PNPLA7: variants seen among roughly 807,000 people sequenced by gnomAD.
PNPLA7 encodes the protein patatin-like phospholipase domain-containing protein 7.
PNPLA7 carries 153 observed loss-of-function variants against 161.7 expected under a neutral mutation model. That is an observed-to-expected ratio of 0.95 (90% CI 0.83 to 1.08). The LOEUF is 1.08. PNPLA7 is among the 50% of genes least tolerant of loss of function. The pLI, the probability that PNPLA7 is intolerant of heterozygous loss-of-function variation, is 0.00. For synonymous variants in PNPLA7, 809 were observed against 782.1 expected (o/e 1.03, Z -0.57); for missense variants, 1,739 against 1,856.6 (o/e 0.94, Z 1.16).
intron 6 of PNPLA7, 49 bp from the exon 7 acceptor site, chr9:137,542,850 CG>C: frequency 1.3e-6 from 2 of 1,575,898 alleles, no homozygotes; most frequent in Non-Finnish European, 8.7e-7. Flanking sequence ...GGGAGGAGGA[CG>C]GCCTCTCCAA....
intron 6 of PNPLA7, 29 bp from the exon 7 acceptor site, chr9:137,542,830 G>A (rs1350485138): frequency 1.0e-5 from 16 of 1,592,744 alleles, no homozygotes; most frequent in East Asian, 9.0e-5. Context: ...ACTGTGGGAC[G>A]CCCTTCCAGG....
At position 137,521,767 on chromosome 9, in the gene PNPLA7, G is replaced by A. The variant is rs376627226; in HGVS notation, c.877-51C>T. ...TGACCACCGGCCTGGGGTACAGGGC[G>A]GGCCCCCGGCAGCACCACACAGAGC... On this transcript the variant is annotated intron_variant, in intron 9 of 34. Coordinates refer to ENST00000406427, the MANE Select transcript of PNPLA7 (RefSeq NM_001098537.3). 7.7e-4 allele frequency: 1,181 copies of A among 1,542,588 alleles called. 2 individuals are homozygous for A. The highest frequency in any genetic ancestry group is 9.5e-4 in the Non-Finnish European group (1,073 of 1,132,164).
chr9:137,462,315 T>G lies in PNPLA7; in HGVS notation c.3509A>C (p.Glu1170Ala), dbSNP rs1347310002. 2 of 1,605,426 alleles carry G rather than the reference T, an allele frequency of 1.2e-6. No homozygotes were observed. Among genetic ancestry groups the G allele is most frequent in the South Asian group, 1.1e-5 (1 of 90,168 alleles). ...ATKVKVLNMA[E>A]IQTRLAYVCC... ...CACGTAGGCCAGGCGCGTCTGAATCTCTGCCATGTTCAACACCTGCTGCCG... is the reference window on the plus strand; with the variant it reads ...CACGTAGGCCAGGCGCGTCTGAATCGCTGCCATGTTCAACACCTGCTGCCG... Residue 1170 changes from glutamate to alanine, a missense_variant, in exon 31 of 35, where the codon GAG becomes GCG. Glu to Ala is a moderately radical substitution (Grantham distance 107, BLOSUM62 -1). This residue lies in a region of PNPLA7 where 703 missense variants were observed against 694.6 expected (regional missense o/e 1.01). Coordinates refer to ENST00000406427, the MANE Select transcript of PNPLA7 (RefSeq NM_001098537.3).
Position 137,500,703 on chromosome 9 carries a change from G to A in PNPLA7, c.1745C>T (p.Ala582Val). 1 of 1,612,314 alleles carries A rather than the reference G, an allele frequency of 6.2e-7. No individual in the cohort carries two copies. The highest frequency in any genetic ancestry group is 8.5e-7 in the Non-Finnish European group (1 of 1,179,834). ...CCGTGGGACTCACTCATAGAAGTGG[G>A]CCTTGGAGATGGACAGGAAGCTGCA... is the stretch of plus-strand genomic sequence containing the variant. ...RDCSFLSISKAHFYEIMRKQP... is the reference protein window; with the variant it reads ...RDCSFLSISKVHFYEIMRKQP... The change falls in exon 16 of 35, where the codon GCC becomes GTC. Residue 582 changes from alanine (A) to valine (V), a missense_variant. By Grantham distance (64) the Ala-to-Val change is moderately conservative (BLOSUM62 0). This residue lies in a region of PNPLA7 where 481 missense variants were observed against 450.0 expected (regional missense o/e 1.07). Coordinates refer to ENST00000406427, the MANE Select transcript of PNPLA7 (RefSeq NM_001098537.3). The surrounding 1 kb of genome is among the most constrained non-coding windows in gnomAD (Gnocchi z 5.5).
intron 4 of PNPLA7, among the ~76,000 whole-genome samples, chr9:137,545,963 CT>C (rs1564373478): frequency 6.6e-6 from 1 of 152,040 alleles, no homozygotes; most frequent in Non-Finnish European, 1.5e-5. Flanking sequence ...TCAGAGATGA[CT>C]CTACCCCTCC....
At chr9:137,479,286 C>A in intron 23 of PNPLA7, 48 bp from the exon 24 acceptor site, 2 of 1,469,440 alleles carry the variant, frequency 1.4e-6, no homozygotes, top group South Asian at 2.7e-5. Flanking sequence ...GCCTGGGACT[C>A]GGGACAGGAC....
intron 7 of PNPLA7, among the ~76,000 whole-genome samples, chr9:137,542,074 A>G (rs1277041261): frequency 6.6e-6 from 1 of 152,228 alleles, no homozygotes; most frequent in Non-Finnish European, 1.5e-5. Flanking sequence ...ATTTTGTTAG[A>G]AACCTGAAAA....
In PNPLA7 at chr9:137,476,048, G is replaced by A. The variant is rs2132121401; in HGVS notation, c.2882+1986C>T. ...TGAACACAGGAGAGAAACAAAGGCA[G>A]TTTCCAGGGTGGTGGTGAAAGAAAA... On this transcript the variant is annotated intron_variant, in intron 25 of 34. Transcript: ENST00000406427. This position sits in a 1 kb window ranked among gnomAD's most constrained non-coding sequence, Gnocchi z 4.5. Among the ~76,000 whole-genome samples, 1 of 152,336 alleles carries A rather than the reference G, an allele frequency of 6.6e-6. No individual in the cohort carries two copies. Among genetic ancestry groups the A allele is most frequent in the South Asian group, 2.1e-4 (1 of 4,832 alleles).
In PNPLA7 at chr9:137,504,106, A is replaced by G. The variant is rs201137176; in HGVS notation, c.1473+1508T>C. 7.7e-4 allele frequency among the ~76,000 whole-genome samples: 103 copies of G among 133,538 alleles called. 4 individuals are homozygous for G. In the East Asian group the frequency reaches 0.022, roughly 28 times the overall value. The allele number at this position is 133,538 out of a possible 152,430, so 87.6% of individuals were successfully genotyped here. ...AGAAGGAAGAAGAAGGAAGAAGAAG[A>G]AAGAAAGAAGAAGAAGAAAAAAGGA... On this transcript the variant is annotated intron_variant, in intron 14 of 34. Coordinates refer to ENST00000406427, the MANE Select transcript of PNPLA7 (RefSeq NM_001098537.3).
intron 9 of PNPLA7, 69 bp downstream of exon 9, chr9:137,522,659 CA>C: frequency 6.4e-7 from 1 of 1,572,844 alleles, no homozygotes; most frequent in East Asian, 2.3e-5. Flanking sequence ...ACTCAAATCC[CA>C]AACCAGTGCC....
chr9:137,480,367 T>C lies in PNPLA7; in HGVS notation c.2525A>G (p.Gln842Arg), dbSNP rs1343911114. 3 of 1,613,420 alleles carry C rather than the reference T, an allele frequency of 1.9e-6. No homozygotes were observed. The African/African-American group carries it at 4.0e-5, about 22-fold the overall frequency. Reference sequence around the variant, plus strand: ...GCCCACGATGAGGATGCAGTCGGCCTGGCGCACGCAGCGCTGGGTCCAGGG... The same window carrying C: ...GCCCACGATGAGGATGCAGTCGGCCCGGCGCACGCAGCGCTGGGTCCAGGG... ...LTPWTQRCVRQADCILIVGLG... is the reference protein window; with the variant it reads ...LTPWTQRCVRRADCILIVGLG... The change falls in exon 23 of 35, where the codon CAG becomes CGG. Residue 842 changes from glutamine (Q) to arginine (R), a missense_variant. Gln to Arg is a conservative substitution (Grantham distance 43). Coordinates refer to ENST00000406427, the MANE Select transcript of PNPLA7 (RefSeq NM_001098537.3).
Position 137,500,072 on chromosome 9 carries a change from G to C in PNPLA7, c.1757+619C>G, listed in dbSNP as rs1183114648. ...GTGGCGGCTCTGCCAGGCAGCCACA[G>C]GCGGGCCGAGGGCAGCTCTGGGCCT... On this transcript the variant is annotated intron_variant, in intron 16 of 34. Coordinates refer to ENST00000406427, the MANE Select transcript of PNPLA7 (RefSeq NM_001098537.3). This position sits in a 1 kb window ranked among gnomAD's most constrained non-coding sequence, Gnocchi z 5.5. Among the ~76,000 whole-genome samples, 2 of 152,266 alleles carry C rather than the reference G, an allele frequency of 1.3e-5. No individual in the cohort carries two copies. The highest frequency in any genetic ancestry group is 2.9e-5 in the Non-Finnish European group (2 of 68,042).
intron 19 of PNPLA7, among the ~76,000 whole-genome samples, chr9:137,493,723 C>T (rs1317689606): frequency 6.6e-6 from 1 of 152,224 alleles, no homozygotes; most frequent in Non-Finnish European, 1.5e-5. Context: ...GGCTCCTGCT[C>T]CGAGGCGCTC....
At chr9:137,502,538 G>C (rs766624006) in intron 14 of PNPLA7, among the ~76,000 whole-genome samples, 4 of 146,320 alleles carry the variant, frequency 2.7e-5, no homozygotes, top group Non-Finnish European at 6.0e-5. Flanking sequence ...CAGCTCTCAG[G>C]CAGAGGACGG....
chr9:137,489,113 C>T (rs1173571644), intron 20 of PNPLA7, among the ~76,000 whole-genome samples: 1 of 152,064 alleles, frequency 6.6e-6, no homozygotes, highest in African/African-American at 2.4e-5. Context: ...TGCACCCCTG[C>T]AGAGAAAGCA....
chr9:137,519,631 C>G (rs1834881606), intron 11 of PNPLA7, among the ~76,000 whole-genome samples: 3 of 151,624 alleles, frequency 2.0e-5, no homozygotes, highest in South Asian at 4.2e-4. Context: ...GTGAGGAGAC[C>G]TGGGGGGCCA....
At chr9:137,506,884 C>T (rs1455066768) in intron 12 of PNPLA7, among the ~76,000 whole-genome samples, 1 of 152,270 alleles carries the variant, frequency 6.6e-6, no homozygotes, top group African/African-American at 2.4e-5. Flanking sequence ...GTCATCTGCA[C>T]TGCGGTTTCC....
In PNPLA7 at chr9:137,540,588, G is replaced by A; in HGVS notation, c.747+54C>T. On this transcript the variant is annotated intron_variant, in intron 8 of 34. Coordinates refer to ENST00000406427, the MANE Select transcript of PNPLA7 (RefSeq NM_001098537.3). The surrounding 1 kb of genome is among the most constrained non-coding windows in gnomAD (Gnocchi z 5.1). ...CTGTCCAGACAAGACAGAAAAACCA[G>A]GCCTCCGGGGCCAACCCAGGGGCGC... The A allele has an allele frequency of 6.8e-7, 1 of 1,481,036 alleles. No individual in the cohort carries two copies. Among genetic ancestry groups the A allele is most frequent in the East Asian group, 2.4e-5 (1 of 41,828 alleles). The allele number at this position is 1,481,036 out of a possible 1,614,324, so 91.7% of individuals were successfully genotyped here.
intron 9 of PNPLA7, among the ~76,000 whole-genome samples, chr9:137,522,035 C>T (rs964927996): frequency 6.6e-6 from 1 of 152,140 alleles, no homozygotes; most frequent in Admixed American, 6.5e-5. Context: ...ATCTTAAGAC[C>T]TCTTTGAGAT....
Sources: gnomAD v4.1 joint callset for allele counts (sites outside exome capture counted in the v4.1 genomes callset) on GRCh38, gnomAD v4.1.1 for gene constraint, gnomAD v4.1.1 regional missense constraint, Gnocchi (gnomAD v3.1) non-coding constraint, MANE v1.5 for transcripts, NCBI Gene and HGNC (gene_info 2026-07-23, HGNC 2026-07-21) for gene names.